The following ACSF2 variants were observed in gnomAD, a reference collection of about 807,000 sequenced individuals.
The protein encoded by ACSF2 is medium-chain acyl-CoA ligase ACSF2, mitochondrial.
ACSF2 carries 52 observed loss-of-function variants against 79.3 expected under a neutral mutation model. That is an observed-to-expected ratio of 0.66 (90% confidence interval 0.53 to 0.83). The LOEUF (loss-of-function observed/expected upper bound fraction) is 0.83. Among genes scored for constraint, ACSF2 ranks in the 40% least tolerant of loss-of-function variants. ACSF2 has a pLI of 0.00. For missense variants in ACSF2, 661 were observed against 803.3 expected (o/e 0.82, Z 2.14); for synonymous variants, 283 against 312.6 (o/e 0.91, Z 1.00).
At chr17:50,449,468 G>A (rs1363589645) in intron 1 of ACSF2, among the ~76,000 whole-genome samples, 1 of 148,268 alleles carries the variant, frequency 6.7e-6, no homozygotes. Context: ...GCAGTGGCGC[G>A]ATCTCGGCTC....
intron 1 of ACSF2, among the ~76,000 whole-genome samples, chr17:50,434,934 A>G (rs2030268887): frequency 6.6e-6 from 1 of 151,764 alleles, no homozygotes; most frequent in Non-Finnish European, 1.5e-5. Context: ...GCAATGGCGC[A>G]ATCTTGGCTC....
At chr17:50,429,832 C>T (rs543396585) in intron 1 of ACSF2, among the ~76,000 whole-genome samples, 1 of 152,182 alleles carries the variant, frequency 6.6e-6, no homozygotes, top group South Asian at 2.1e-4. Flanking sequence ...GTCTTTCTCC[C>T]CAGAAGGAAA....
chr17:50,462,938 G>A (rs1047337187), intron 6 of ACSF2: 6 of 593,450 alleles, frequency 1.0e-5, no homozygotes, highest in Non-Finnish European at 1.8e-5. Flanking sequence ...AGAGTTCTCT[G>A]GGCCATGTAA....
chr17:50,456,350 T>C lies in ACSF2; in HGVS notation c.129-4327T>C, dbSNP rs117747953. Among the ~76,000 whole-genome samples the C allele has an allele frequency of 4.6e-3, 698 of 152,248 alleles. 3 individuals are homozygous for C. Among genetic ancestry groups the C allele is most frequent in the Non-Finnish European group, 8.5e-3 (579 of 68,020 alleles). On this transcript the variant is annotated intron_variant, in intron 1 of 15. Transcript: ENST00000300441. ...GCACAGAAACCCTGAAGAGAGAAGC[T>C]GAGGTAAATCCACTGCTTTGGCCAA...
At chr17:50,426,787 C>T in intron 1 of ACSF2, 1 of 1,078,808 alleles carries the variant, frequency 9.3e-7, no homozygotes. Flanking sequence ...GGATCAGCCC[C>T]AGTCTCCCCG....
chr17:50,457,933 G>T (rs1418205145), intron 1 of ACSF2, among the ~76,000 whole-genome samples: 1 of 152,142 alleles, frequency 6.6e-6, no homozygotes, highest in East Asian at 1.9e-4. Context: ...ATGGGATTCT[G>T]TTAAAAATTC....
chr17:50,438,654 C>A (rs2030627359), intron 1 of ACSF2, among the ~76,000 whole-genome samples: 1 of 152,102 alleles, frequency 6.6e-6, no homozygotes, highest in Admixed American at 6.6e-5. Context: ...GCAACCTCCA[C>A]CTCCCAGGTT....
At chr17:50,461,094 A>C in intron 2 of ACSF2, 148 bp from the exon 3 acceptor site, 1 of 1,334,774 alleles carries the variant, frequency 7.5e-7, no homozygotes, top group East Asian at 2.5e-5. Context: ...TGCAGGCCCC[A>C]GGGCAGACCC....
rs776736009 is a variant in ACSF2 at position 50,426,397 on chromosome 17, C to A, written c.128+8C>A. The A allele has an allele frequency of 7.5e-7, 1 of 1,327,812 alleles. No homozygotes were observed. Among genetic ancestry groups the A allele is most frequent in the Non-Finnish European group, 9.7e-7 (1 of 1,032,044 alleles). 82.3% of individuals were successfully genotyped at this position (1,327,812 alleles called of 1,614,324 possible). A position where few individuals can be genotyped will look rare whatever the true frequency, so the allele number is the denominator to read the frequency against. On this transcript the variant is annotated splice_region_variant and intron_variant, in intron 1 of 15. Transcript: ENST00000300441. Reference sequence around the variant, plus strand: ...GGGTGTCCGCTTCCTCAGGTACTGGCCCCCCGCGGGAAGAGAGGGGGCGGG... The same window carrying A: ...GGGTGTCCGCTTCCTCAGGTACTGGACCCCCGCGGGAAGAGAGGGGGCGGG...
chr17:50,467,899 G>T, intron 10 of ACSF2: 1 of 769,424 alleles, frequency 1.3e-6, no homozygotes, highest in Non-Finnish European at 2.1e-6. Context: ...AGGAAGGGAG[G>T]TGGCAGAGCT....
chr17:50,452,080 G>T (rs966163163), intron 1 of ACSF2, among the ~76,000 whole-genome samples: 2 of 152,138 alleles, frequency 1.3e-5, no homozygotes, highest in African/African-American at 2.4e-5. Context: ...GTTCTCAGGA[G>T]CCAGCCCTCT....
rs748535860 is a variant in ACSF2 at position 50,474,711 on chromosome 17, C to T, written c.*159C>T. On this transcript the variant is annotated 3_prime_UTR_variant, in exon 16 of 16. Transcript: ENST00000300441. The surrounding 1 kb of genome is among the most constrained non-coding windows in gnomAD (Gnocchi z 4.2). ...CGAACTAAGAGCTCCTGGATGGGTC[C>T]GGGAACTCGCCTGGGCACAAGGTGC... The T allele has an allele frequency of 3.3e-5, 26 of 776,462 alleles. No individual in the cohort carries two copies. The highest frequency in any genetic ancestry group is 2.5e-4 in the South Asian group (14 of 55,288). 48.1% of individuals were successfully genotyped at this position (776,462 alleles called of 1,614,324 possible).
In ACSF2 at chr17:50,468,178, T is replaced by C. The variant is rs2032864636; in HGVS notation, c.1216-2850T>C. 5.6e-6 allele frequency: 9 copies of C among 1,614,048 alleles called. No homozygotes were observed. The East Asian group carries it at 2.0e-4, about 36-fold the overall frequency. The stretch of plus-strand genomic sequence containing the variant: ...CCACCCGTAGCTTGCTCAGGGCAGC[T>C]GAGGGGTAGCTGGACAGCTGGTTCC... On this transcript the variant is annotated intron_variant, in intron 10 of 15. Transcript: ENST00000300441.
chr17:50,473,249 C>A (rs2033199447), intron 12 of ACSF2: 1 of 188,498 alleles, frequency 5.3e-6, no homozygotes, highest in Admixed American at 5.3e-5. Flanking sequence ...CAGAGCAGGA[C>A]TCCATCTCAA....
Position 50,460,778 on chromosome 17 carries a change from G to C in ACSF2, c.230G>C (p.Cys77Ser), listed in dbSNP as rs758210033. 1.9e-6 allele frequency: 3 copies of C among 1,612,986 alleles called. No individual in the cohort carries two copies. The African/African-American group carries it at 4.0e-5, about 22-fold the overall frequency. The change falls in exon 2 of 16, where the codon TGC becomes TCC. Residue 77 changes from cysteine (C) to serine (S), a missense_variant. Transcript: ENST00000300441. Reference sequence around the variant, plus strand: ...CTTAACAGCAAGACTGTGGGCCAGTGCCTGGAGACCACAGCACAGAGGGTC... The same window carrying C: ...CTTAACAGCAAGACTGTGGGCCAGTCCCTGGAGACCACAGCACAGAGGGTC... ...KHLNSKTVGQCLETTAQRVPE... is the reference protein window; with the variant it reads ...KHLNSKTVGQSLETTAQRVPE...
chr17:50,454,387 A>T (rs1374695611), intron 1 of ACSF2, among the ~76,000 whole-genome samples: 2 of 152,062 alleles, frequency 1.3e-5, no homozygotes, highest in Non-Finnish European at 2.9e-5. Context: ...AAAAGCAAAA[A>T]AAAGAAAAAA....
chr17:50,446,478 G>A (rs1308877008), intron 1 of ACSF2, among the ~76,000 whole-genome samples: 1 of 151,932 alleles, frequency 6.6e-6, no homozygotes. Flanking sequence ...GGCTGATTTC[G>A]AACTCCTGAC....
In ACSF2 at chr17:50,468,373, G is replaced by A. The variant is rs777560182; in HGVS notation, c.1216-2655G>A. ...TGTTGAGCTGCAAGATGAAGAGGTTGACCAGCGGGGAGAGCAACCCCCGGG... is the reference window on the plus strand; with the variant it reads ...TGTTGAGCTGCAAGATGAAGAGGTTAACCAGCGGGGAGAGCAACCCCCGGG... On this transcript the variant is annotated intron_variant, in intron 10 of 15. Coordinates refer to ENST00000300441, the MANE Select transcript of ACSF2 (RefSeq NM_025149.6). 18 of 1,613,978 alleles carry A rather than the reference G, an allele frequency of 1.1e-5. No homozygotes were observed. In the South Asian group the frequency reaches 2.0e-4, roughly 18 times the overall value.
At chr17:50,467,659 T>C (rs1293251585) in intron 10 of ACSF2, among the ~76,000 whole-genome samples, 2 of 152,060 alleles carry the variant, frequency 1.3e-5, no homozygotes, top group Admixed American at 6.5e-5. Flanking sequence ...CCTTCCTTTA[T>C]GGGGTGGTAG....
Sources: allele counts gnomAD v4.1 joint callset (sites outside exome capture counted in the v4.1 genomes callset), GRCh38; gene constraint gnomAD v4.1.1; non-coding constraint Gnocchi (gnomAD v3.1); transcripts MANE v1.5; gene names NCBI Gene and HGNC (gene_info 2026-07-23, HGNC 2026-07-21).